C16orf96: variants seen among roughly 807,000 people sequenced by gnomAD.
C16orf96 encodes chromosome 16 open reading frame 96.
In C16orf96, 108 loss-of-function variants were observed where a neutral mutation model predicts 103.6. The ratio of observed to expected loss-of-function variants is 1.04; its 90% CI spans 0.89 to 1.22. The LOEUF (loss-of-function observed/expected upper bound fraction) is 1.22. Among genes scored for constraint, C16orf96 ranks in the 50% most tolerant of loss-of-function variants. The pLI, the probability that C16orf96 is intolerant of heterozygous loss-of-function variation, is 0.00. For missense variants in C16orf96, 1,586 were observed against 1,464.2 expected, an observed-to-expected ratio of 1.08 and a Z score of -1.36; for synonymous variants, 566 against 593.5, an observed-to-expected ratio of 0.95 and a Z score of 0.67.
intron 1 of C16orf96, chr16:4,560,760 C>G (rs1191402430): frequency 1.3e-5 from 2 of 152,082 alleles, no homozygotes; most frequent in Non-Finnish European, 2.9e-5. Context: ...TTGCAGTGAG[C>G]TCTGATGGCC....
At chr16:4,568,290 G>T (rs1169345825) in intron 1 of C16orf96, among the ~76,000 whole-genome samples, 1 of 152,126 alleles carries the variant, frequency 6.6e-6, no homozygotes, top group African/African-American at 2.4e-5. Context: ...GTTAAGGCTT[G>T]TTTTATGGCT....
intron 1 of C16orf96, among the ~76,000 whole-genome samples, chr16:4,569,657 G>A (rs898316490): frequency 1.3e-5 from 2 of 151,298 alleles, no homozygotes; most frequent in Non-Finnish European, 2.9e-5. Flanking sequence ...ACTTGAACCC[G>A]GGAGGTGAAG....
intron 1 of C16orf96, among the ~76,000 whole-genome samples, chr16:4,571,248 A>T (rs1596521571): frequency 1.3e-5 from 2 of 152,138 alleles, no homozygotes; most frequent in Non-Finnish European, 2.9e-5. Flanking sequence ...GCTCCTACCC[A>T]GGGATGGGCT....
intron 7 of C16orf96, among the ~76,000 whole-genome samples, chr16:4,581,153 T>TATATATATATATGTATAC (rs1308218894): frequency 9.8e-5 from 9 of 92,070 alleles, no homozygotes; most frequent in African/African-American, 6.0e-4. Context: ...TATATATATA[T>TATATATATATATGTATAC]ATATATATAT....
chr16:4,545,525 A>T, the C16orf96 span, among the ~76,000 whole-genome samples: 1 of 152,132 alleles, frequency 6.6e-6, no homozygotes, highest in African/African-American at 2.4e-5. Context: ...TGTTAAATTG[A>T]TTTAGCCAGA....
At chr16:4,554,906 G>A (rs1303756418), upstream of C16orf96, among the ~76,000 whole-genome samples, 1 of 151,828 alleles carries the variant, frequency 6.6e-6, no homozygotes, top group Non-Finnish European at 1.5e-5. Flanking sequence ...TGGGATTACA[G>A]GCGTGAGCCA....
chr16:4,554,599 C>G (rs34047584), upstream of C16orf96, among the ~76,000 whole-genome samples: 882 of 152,066 alleles, frequency 5.8e-3, 8 homozygotes, highest in Non-Finnish European at 0.01. Context: ...TCGTGATCTG[C>G]CCGCCTCGGC....
rs113506623 is a variant in C16orf96 at position 4,599,544 on chromosome 16, G to C, written c.3208+180G>C. On this transcript the variant is annotated intron_variant, in intron 15 of 15. Transcript: ENST00000444310. ...GATTCCTGGCCCCGGTGCCATCCCC[G>C]GTGCCCAGGCCAAGCATCTGTCCCC... Among the ~76,000 whole-genome samples the C allele has an allele frequency of 4.4e-3, 664 of 152,266 alleles. 6 individuals carry two copies. Among genetic ancestry groups the C allele is most frequent in the African/African-American group, 0.016 (645 of 41,552 alleles).
intron 1 of C16orf96, chr16:4,563,038 A>G: frequency 2.2e-6 from 2 of 906,636 alleles, no homozygotes; most frequent in East Asian, 2.5e-5. Flanking sequence ...CTCCTCTGTC[A>G]GAAGATGACA....
At chr16:4,550,742 G>A in the C16orf96 span, among the ~76,000 whole-genome samples, 11 of 152,194 alleles carry the variant, frequency 7.2e-5, no homozygotes, top group African/African-American at 2.7e-4. Context: ...CTAGCCTCAT[G>A]GTGCTGCTCA....
chr16:4,570,285 G>T (rs2059423963), intron 1 of C16orf96, among the ~76,000 whole-genome samples: 1 of 152,064 alleles, frequency 6.6e-6, no homozygotes, highest in African/African-American at 2.4e-5. Context: ...ACCCTGCAAT[G>T]CAGCGAGCAA....
upstream of C16orf96, among the ~76,000 whole-genome samples, chr16:4,552,368 G>C (rs534051011): frequency 5.3e-5 from 8 of 151,664 alleles, no homozygotes; most frequent in East Asian, 1.5e-3. Flanking sequence ...TGTCATGCCA[G>C]CTACTTGGGA....
intron 14 of C16orf96, among the ~76,000 whole-genome samples, chr16:4,597,793 G>A (rs775569784): frequency 6.6e-6 from 1 of 152,182 alleles, no homozygotes; most frequent in Non-Finnish European, 1.5e-5. Flanking sequence ...CTGGCCTCAA[G>A]TGACCCACCT....
Position 4,573,102 on chromosome 16 carries a change from G to C in C16orf96, c.525+1437G>C, listed in dbSNP as rs1368592960. Among the ~76,000 whole-genome samples the C allele has an allele frequency of 2.6e-5, 4 of 152,210 alleles. No homozygotes were observed. In the East Asian group the frequency reaches 7.7e-4, roughly 29 times the overall value. ...AGAACGCTGTTAAAAGCTGCATCATGAGCTACTCAAAAGGGCCCCTTAGAC... is the reference window on the plus strand; with the variant it reads ...AGAACGCTGTTAAAAGCTGCATCATCAGCTACTCAAAAGGGCCCCTTAGAC... On this transcript the variant is annotated intron_variant, in intron 2 of 15. Transcript: ENST00000444310.
intron 14 of C16orf96, among the ~76,000 whole-genome samples, chr16:4,596,032 C>G (rs374376948): frequency 6.6e-6 from 1 of 152,144 alleles, no homozygotes; most frequent in Admixed American, 6.5e-5. Context: ...TCCATTGACT[C>G]GAAGACCAGA....
the C16orf96 span, among the ~76,000 whole-genome samples, chr16:4,549,249 T>A: frequency 1.3e-5 from 2 of 151,788 alleles, no homozygotes; most frequent in Non-Finnish European, 2.9e-5. Context: ...CCAAGGTGGG[T>A]GGATCACAAG....
chr16:4,539,075 G>A, the C16orf96 span, among the ~76,000 whole-genome samples: 4 of 152,280 alleles, frequency 2.6e-5, no homozygotes, highest in Admixed American at 2.6e-4. Context: ...TATTTATTGA[G>A]TTTGGGAGGT....
the C16orf96 span, among the ~76,000 whole-genome samples, chr16:4,547,957 T>C: frequency 6.6e-6 from 1 of 151,822 alleles, no homozygotes; most frequent in Non-Finnish European, 1.5e-5. Context: ...CTTTTTAGGG[T>C]AATGAAATGT....
At chr16:4,550,201 C>T in the C16orf96 span, among the ~76,000 whole-genome samples, 1 of 151,898 alleles carries the variant, frequency 6.6e-6, no homozygotes, top group African/African-American at 2.4e-5. Context: ...TCTCCTGCCT[C>T]AGCCTCCCAA....
Sources: allele counts gnomAD v4.1 joint callset (sites outside exome capture counted in the v4.1 genomes callset), GRCh38; gene constraint gnomAD v4.1.1; transcripts MANE v1.5; gene names NCBI Gene and HGNC (gene_info 2026-07-23, HGNC 2026-07-21).